Variants in NCOA1 observed in about 807,000 individuals in gnomAD.
NCOA1 encodes nuclear receptor coactivator 1.
In NCOA1, 35 loss-of-function variants were observed where a neutral mutation model predicts 150.9. That is an observed-to-expected ratio of 0.23 (90% CI 0.18 to 0.31). The LOEUF is 0.31. Ranked by LOEUF, NCOA1 falls within the 10% of genes least tolerant of loss-of-function variation. The pLI, the probability that NCOA1 is intolerant of heterozygous loss-of-function variation, is 1.00. For synonymous variants in NCOA1, 590 were observed against 630.0 expected (o/e 0.94, Z 0.95); for missense variants, 1,491 against 1,749.3 (o/e 0.85, Z 2.63).
At position 24,576,153 on chromosome 2, in the gene NCOA1, TTTTTTTTTTGTTTTTTG is replaced by T. The variant is rs1666956270; in HGVS notation, c.-259-8313_-259-8297del. 9.0e-4 allele frequency among the ~76,000 whole-genome samples: 87 copies of T among 96,180 alleles called. 1 individual carries two copies. Among genetic ancestry groups the T allele is most frequent in the East Asian group, 4.2e-3 (15 of 3,594 alleles). 63.1% of individuals were successfully genotyped at this position (96,180 alleles called of 152,430 possible). ...TTCAGAAATTATTTGGCCTTTGTTT[TTTTTTTTTTGTTTTTTG>T]TTTTTTTTTTTTTTTTTTTTTGTTT... On this transcript the variant is annotated intron_variant, in intron 2 of 22. Coordinates refer to ENST00000348332, the MANE Select transcript of NCOA1 (RefSeq NM_003743.5).
intron 3 of NCOA1, among the ~76,000 whole-genome samples, chr2:24,596,599 G>T (rs562690138): frequency 1.3e-5 from 2 of 152,096 alleles, no homozygotes; most frequent in South Asian, 4.1e-4. Context: ...TAATTTAGAG[G>T]TTATGTTTCA....
At chr2:24,588,454 A>G (rs1220816446) in intron 3 of NCOA1, among the ~76,000 whole-genome samples, 2 of 152,000 alleles carry the variant, frequency 1.3e-5, no homozygotes, top group Non-Finnish European at 2.9e-5. Flanking sequence ...TTGGAAAGGA[A>G]TTTTTCTGCA....
intron 1 of NCOA1, among the ~76,000 whole-genome samples, chr2:24,522,457 A>G (rs1203403558): frequency 2.0e-5 from 3 of 152,210 alleles, no homozygotes; most frequent in Non-Finnish European, 4.4e-5. Flanking sequence ...CTCCAACTAT[A>G]GTAGAGGTAG....
At chr2:24,568,705 C>T (rs575696893) in intron 2 of NCOA1, among the ~76,000 whole-genome samples, 27 of 152,272 alleles carry the variant, frequency 1.8e-4, no homozygotes, top group African/African-American at 6.3e-4. Context: ...AAACCAGTTT[C>T]AAAGTTAATA....
chr2:24,536,537 G>A (rs1665151598), intron 1 of NCOA1, among the ~76,000 whole-genome samples: 1 of 152,106 alleles, frequency 6.6e-6, no homozygotes, highest in South Asian at 2.1e-4. Context: ...GAGTCGCTCT[G>A]GTTTTTAGAA....
intron 14 of NCOA1, among the ~76,000 whole-genome samples, chr2:24,721,566 T>G (rs186987398): frequency 3.7e-4 from 57 of 152,330 alleles, no homozygotes; most frequent in Admixed American, 7.8e-4. Flanking sequence ...GGGAAACCCC[T>G]TGTGGCAGCC....
intron 7 of NCOA1, among the ~76,000 whole-genome samples, chr2:24,674,210 C>CTT (rs1157358626): frequency 1.4e-5 from 2 of 138,514 alleles, no homozygotes; most frequent in Non-Finnish European, 3.2e-5. Context: ...TTGGGTACCC[C>CTT]TTTTTTTTTT....
Position 24,577,675 on chromosome 2 carries a change from C to A in NCOA1, c.-259-6801C>A, listed in dbSNP as rs958531394. 3.9e-5 allele frequency among the ~76,000 whole-genome samples: 6 copies of A among 152,146 alleles called. No individual in the cohort carries two copies. In the South Asian group the frequency reaches 1.2e-3, roughly 31 times the overall value. On this transcript the variant is annotated intron_variant, in intron 2 of 22. Coordinates refer to ENST00000348332, the MANE Select transcript of NCOA1 (RefSeq NM_003743.5). ...TTTTGAGTCAGCTGGAAACTTTTGA[C>A]AGATTGATATCCAGCACTTGGGTGA...
intron 1 of NCOA1, among the ~76,000 whole-genome samples, chr2:24,518,011 T>G (rs1000905928): frequency 2.6e-5 from 4 of 152,042 alleles, no homozygotes; most frequent in Non-Finnish European, 5.9e-5. Flanking sequence ...GTGTTTTTGT[T>G]CTTGTATTCT....
At chr2:24,716,138 C>T (rs1261574442) in intron 14 of NCOA1, among the ~76,000 whole-genome samples, 10 of 115,412 alleles carry the variant, frequency 8.7e-5, no homozygotes, top group African/African-American at 1.5e-4. Context: ...AGTGAGACTC[C>T]GTCTCAAAAA....
intron 3 of NCOA1, among the ~76,000 whole-genome samples, chr2:24,615,908 C>T (rs1668852989): frequency 6.6e-6 from 1 of 152,118 alleles, no homozygotes; most frequent in Non-Finnish European, 1.5e-5. Flanking sequence ...AAAGGTGTTC[C>T]ATTCATCCAA....
chr2:24,618,160 T>C (rs2148401429), intron 3 of NCOA1, among the ~76,000 whole-genome samples: 1 of 152,352 alleles, frequency 6.6e-6, no homozygotes, highest in Non-Finnish European at 1.5e-5. Context: ...TGAATTACTT[T>C]TGTAATTCAC....
At chr2:24,708,493 A>G (rs748827554) in intron 13 of NCOA1, among the ~76,000 whole-genome samples, 9 of 152,162 alleles carry the variant, frequency 5.9e-5, no homozygotes, top group Non-Finnish European at 1.3e-4. Context: ...GTTGTTATGG[A>G]TTAGAAACCT....
At chr2:24,718,354 A>C (rs188960178) in intron 14 of NCOA1, among the ~76,000 whole-genome samples, 57 of 152,288 alleles carry the variant, frequency 3.7e-4, no homozygotes, top group African/African-American at 1.3e-3. Flanking sequence ...GAACTTTTAC[A>C]TTGCTAATGG....
chr2:24,614,231 T>TTTTTTTTTTTTTTTG (rs1668771754), intron 3 of NCOA1, among the ~76,000 whole-genome samples: 2 of 122,786 alleles, frequency 1.6e-5, no homozygotes, highest in South Asian at 2.9e-4. Flanking sequence ...TTTTTTTTTT[T>TTTTTTTTTTTTTTTG]GCTATGGGGT....
intron 1 of NCOA1, among the ~76,000 whole-genome samples, chr2:24,501,599 T>C (rs1358152860): frequency 6.6e-6 from 1 of 152,220 alleles, no homozygotes; most frequent in African/African-American, 2.4e-5. Flanking sequence ...AAATTATAAA[T>C]AAGTATAATG....
intron 1 of NCOA1, among the ~76,000 whole-genome samples, chr2:24,514,689 G>C (rs988942424): frequency 2.0e-5 from 3 of 151,722 alleles, no homozygotes; most frequent in Admixed American, 6.6e-5. Context: ...GAGGTGGGAG[G>C]ATCGCTTAAG....
intron 14 of NCOA1, among the ~76,000 whole-genome samples, chr2:24,713,422 T>C (rs1369715887): frequency 1.3e-5 from 2 of 152,206 alleles, no homozygotes; most frequent in African/African-American, 4.8e-5. Flanking sequence ...TGTCATCATA[T>C]CATTCTGGAA....
At chr2:24,631,945 A>G (rs1260583329) in intron 3 of NCOA1, among the ~76,000 whole-genome samples, 1 of 152,202 alleles carries the variant, frequency 6.6e-6, no homozygotes, top group Non-Finnish European at 1.5e-5. Flanking sequence ...AGGTGATAAT[A>G]TATACATGAA....
Sources: allele counts gnomAD v4.1 joint callset (sites outside exome capture counted in the v4.1 genomes callset), GRCh38; gene constraint gnomAD v4.1.1; transcripts MANE v1.5; gene names NCBI Gene and HGNC (gene_info 2026-07-23, HGNC 2026-07-21).